CAMK2D: variants seen among roughly 807,000 people sequenced by gnomAD.
CAMK2D encodes calcium/calmodulin-dependent protein kinase type II subunit delta.
In CAMK2D, 37 loss-of-function variants were observed where a neutral mutation model predicts 84.0. That is an observed-to-expected ratio of 0.44 (90% CI 0.34 to 0.58). CAMK2D has a LOEUF of 0.58. Ranked by LOEUF, CAMK2D falls within the 20% of genes least tolerant of loss-of-function variation. CAMK2D has a pLI of 0.02. For synonymous variants in CAMK2D, 202 were observed against 212.5 expected (o/e 0.95, Z 0.43); for missense variants, 448 against 652.5 (o/e 0.69, Z 3.41).
chr4:113,593,358 G>A (rs2098902860), intron 4 of CAMK2D, among the ~76,000 whole-genome samples: 1 of 152,158 alleles, frequency 6.6e-6, no homozygotes, highest in African/African-American at 2.4e-5. Flanking sequence ...GACAGGTTAG[G>A]ATAGAGTGTC....
intron 2 of CAMK2D, among the ~76,000 whole-genome samples, chr4:113,696,696 A>G (rs2099403894): frequency 6.6e-6 from 1 of 152,148 alleles, no homozygotes; most frequent in Non-Finnish European, 1.5e-5. Flanking sequence ...TGCTTACAAT[A>G]TGCCAGGTAC....
intron 4 of CAMK2D, among the ~76,000 whole-genome samples, chr4:113,592,257 G>T (rs1456296056): frequency 6.6e-6 from 1 of 152,128 alleles, no homozygotes; most frequent in Non-Finnish European, 1.5e-5. Flanking sequence ...TGAAATGGAT[G>T]AGTGCATGGC....
intron 2 of CAMK2D, among the ~76,000 whole-genome samples, chr4:113,728,308 C>T (rs1056900734): frequency 6.6e-6 from 1 of 152,124 alleles, no homozygotes; most frequent in Non-Finnish European, 1.5e-5. Context: ...ACTACTACTC[C>T]TCAGCCATAA....
intron 3 of CAMK2D, among the ~76,000 whole-genome samples, chr4:113,614,452 G>A (rs1488522455): frequency 2.0e-5 from 3 of 152,094 alleles, no homozygotes; most frequent in Non-Finnish European, 4.4e-5. Context: ...TGTGATGCAA[G>A]CAAAACCTTA....
intron 4 of CAMK2D, among the ~76,000 whole-genome samples, chr4:113,578,871 T>C (rs1161691274): frequency 1.3e-5 from 2 of 152,216 alleles, no homozygotes; most frequent in Non-Finnish European, 2.9e-5. Context: ...AAAATAGCAT[T>C]GAGCTACTGT....
At chr4:113,471,365 C>A (rs2097544787) in intron 16 of CAMK2D, among the ~76,000 whole-genome samples, 1 of 152,146 alleles carries the variant, frequency 6.6e-6, no homozygotes, top group African/African-American at 2.4e-5. Flanking sequence ...ACTGCCAATT[C>A]TCTATCTCGG....
At chr4:113,754,672 G>T in intron 2 of CAMK2D, 1 of 968,218 alleles carries the variant, frequency 1.0e-6, no homozygotes, top group Non-Finnish European at 1.2e-6. Context: ...TCCTGGAAGT[G>T]TGGATATACT....
intron 4 of CAMK2D, among the ~76,000 whole-genome samples, chr4:113,590,539 G>T (rs568173665): frequency 6.6e-6 from 1 of 151,996 alleles, no homozygotes; most frequent in Admixed American, 6.6e-5. Context: ...TCATTAACAC[G>T]TCTATCACTA....
chr4:113,623,657 A>G (rs544298265), intron 3 of CAMK2D, among the ~76,000 whole-genome samples: 1 of 152,312 alleles, frequency 6.6e-6, no homozygotes, highest in Admixed American at 6.5e-5. Flanking sequence ...AGCATAGAAA[A>G]GATAACAGTA....
At chr4:113,548,852 C>CT (rs975027709) in intron 5 of CAMK2D, 38 of 554,244 alleles carry the variant, frequency 6.9e-5, no homozygotes, top group Non-Finnish European at 1.0e-4. Flanking sequence ...TATTTCTTCA[C>CT]TTTTTTTAGC....
At chr4:113,586,929 C>T (rs2154248028) in intron 4 of CAMK2D, among the ~76,000 whole-genome samples, 1 of 152,270 alleles carries the variant, frequency 6.6e-6, no homozygotes, top group African/African-American at 2.4e-5. Context: ...AATAAGACTT[C>T]AGAAAGTCTC....
Position 113,686,683 on chromosome 4 carries a change from C to T in CAMK2D, c.161-24911G>A, listed in dbSNP as rs562420042. Among the ~76,000 whole-genome samples the T allele has an allele frequency of 9.8e-4, 149 of 152,180 alleles. 1 individual carries two copies. The highest frequency in any genetic ancestry group is 3.4e-3 in the African/African-American group (142 of 41,530). On this transcript the variant is annotated intron_variant, in intron 2 of 20. Transcript: ENST00000511664. ...AGCCACAACCCAAGCATCTGGAGTCCTACAATGCTCTCAATATATTTTTAA... is the reference window on the plus strand; with the variant it reads ...AGCCACAACCCAAGCATCTGGAGTCTTACAATGCTCTCAATATATTTTTAA...
At chr4:113,727,333 T>C (rs2099549129) in intron 2 of CAMK2D, among the ~76,000 whole-genome samples, 1 of 152,028 alleles carries the variant, frequency 6.6e-6, no homozygotes, top group Non-Finnish European at 1.5e-5. Context: ...AACAAGACAA[T>C]GTGATATTGG....
intron 4 of CAMK2D, among the ~76,000 whole-genome samples, chr4:113,585,017 G>C (rs1429018453): frequency 6.6e-6 from 1 of 152,110 alleles, no homozygotes; most frequent in Non-Finnish European, 1.5e-5. Context: ...CCAGCTTGCT[G>C]TCCTTTCTCA....
intron 16 of CAMK2D, among the ~76,000 whole-genome samples, chr4:113,473,441 A>G (rs1295822873): frequency 6.6e-6 from 1 of 152,184 alleles, no homozygotes; most frequent in African/African-American, 2.4e-5. Flanking sequence ...AGGAATTTTC[A>G]TAATTTTGGC....
At chr4:113,706,184 A>G (rs1299788340) in intron 2 of CAMK2D, among the ~76,000 whole-genome samples, 1 of 152,218 alleles carries the variant, frequency 6.6e-6, no homozygotes, top group Non-Finnish European at 1.5e-5. Context: ...GGACTGAACT[A>G]GTATTATTAA....
intron 4 of CAMK2D, among the ~76,000 whole-genome samples, chr4:113,601,912 G>A (rs913457803): frequency 2.6e-5 from 4 of 151,716 alleles, no homozygotes; most frequent in African/African-American, 9.7e-5. Flanking sequence ...GCCCAGGCTG[G>A]TCTCGAACTC....
At position 113,585,870 on chromosome 4, in the gene CAMK2D, T is replaced by C. The variant is rs569010788; in HGVS notation, c.275+23282A>G. ...CATCCAGTATTAAACTGGAAGTAAT[T>C]GTGTTTAAGAAAAGAGCTTTAATTG... On this transcript the variant is annotated intron_variant, in intron 4 of 20. Coordinates refer to ENST00000511664, the MANE Select transcript of CAMK2D (RefSeq NM_001321571.2). 5.9e-5 allele frequency among the ~76,000 whole-genome samples: 9 copies of C among 152,206 alleles called. No individual in the cohort carries two copies. In the South Asian group the frequency reaches 1.9e-3, roughly 32 times the overall value.
intron 2 of CAMK2D, among the ~76,000 whole-genome samples, chr4:113,726,747 G>A (rs1284976956): frequency 1.3e-5 from 2 of 152,000 alleles, no homozygotes; most frequent in Non-Finnish European, 2.9e-5. Flanking sequence ...GAGAATACTA[G>A]TGATCACATA....
Sources: gnomAD v4.1 joint callset for allele counts (sites outside exome capture counted in the v4.1 genomes callset) on GRCh38, gnomAD v4.1.1 for gene constraint, MANE v1.5 for transcripts, NCBI Gene and HGNC (gene_info 2026-07-23, HGNC 2026-07-21) for gene names.